Variants in SLC31A1 observed in about 807,000 individuals in gnomAD.
SLC31A1 encodes the protein solute carrier family 31 member 1.
SLC31A1 carries 5 observed loss-of-function variants against 17.2 expected under a neutral mutation model. The ratio of observed to expected loss-of-function variants is 0.29; its 90% CI spans 0.15 to 0.61. The LOEUF (loss-of-function observed/expected upper bound fraction) is 0.61, where lower values mean the gene tolerates loss of function less well. Among genes scored for constraint, SLC31A1 ranks in the 20% least tolerant of loss-of-function variants. The pLI is 0.86. For missense variants in SLC31A1, 161 were observed against 241.4 expected (o/e 0.67, Z 2.21); for synonymous variants, 76 against 78.8 (o/e 0.96, Z 0.19).
intron 1 of SLC31A1, among the ~76,000 whole-genome samples, chr9:113,232,060 T>A (rs1202702801): frequency 6.6e-6 from 1 of 152,234 alleles, no homozygotes; most frequent in African/African-American, 2.4e-5. Flanking sequence ...ACTAGGTGCC[T>A]CACTGGACTT....
At chr9:113,256,475 A>T in intron 2 of SLC31A1, 198 bp downstream of exon 2, 7 of 509,292 alleles carry the variant, frequency 1.4e-5, no homozygotes, top group Non-Finnish European at 2.1e-5. Flanking sequence ...CAGAACCAAG[A>T]TTTTAGGCTT....
At position 113,258,632 on chromosome 9, in the gene SLC31A1, C is replaced by G. The variant is rs1177490465; in HGVS notation, c.203-62C>G. The G allele has an allele frequency of 3.2e-6, 5 of 1,558,724 alleles. No individual in the cohort carries two copies. The highest frequency in any genetic ancestry group is 4.4e-6 in the Non-Finnish European group (5 of 1,131,462). The stretch of plus-strand genomic sequence containing the variant: ...TCTATGTGTCTTTCTAGCTGGACAG[C>G]ACATTGGCTAATGATTTTGCACATG... On this transcript the variant is annotated intron_variant, in intron 3 of 4. Coordinates refer to ENST00000374212, the MANE Select transcript of SLC31A1 (RefSeq NM_001859.4). The surrounding 1 kb of genome is among the most constrained non-coding windows in gnomAD (Gnocchi z 4.8).
At chr9:113,246,961 T>C (rs142820337) in intron 1 of SLC31A1, among the ~76,000 whole-genome samples, 8 of 152,290 alleles carry the variant, frequency 5.3e-5, no homozygotes, top group Admixed American at 3.3e-4. Context: ...AAAATTCACC[T>C]ATAGGGGCAA....
intron 1 of SLC31A1, among the ~76,000 whole-genome samples, chr9:113,226,741 A>G (rs1232598071): frequency 1.3e-5 from 2 of 152,232 alleles, no homozygotes; most frequent in East Asian, 1.9e-4. Flanking sequence ...TGGAGGGAAC[A>G]TATAAAGAGA....
intron 1 of SLC31A1, among the ~76,000 whole-genome samples, chr9:113,246,698 C>A (rs1831583355): frequency 6.6e-6 from 1 of 150,938 alleles, no homozygotes; most frequent in Admixed American, 6.6e-5. Flanking sequence ...AAGAATCTTG[C>A]TCTATATCCC....
At position 113,256,188 on chromosome 9, in the gene SLC31A1, T is replaced by A; in HGVS notation, c.40T>A (p.Ser14Thr). 1 of 1,612,880 alleles carries A rather than the reference T, an allele frequency of 6.2e-7. No homozygotes were observed. Among genetic ancestry groups the A allele is most frequent in the Non-Finnish European group, 8.5e-7 (1 of 1,179,990 alleles). ...SHHMGMSYMD[S>T]NSTMQPSHHH... is the part of the protein sequence containing the mutation. ...CCATATGGGGATGAGCTATATGGAC[T>A]CCAACAGTACCATGCAACCTTCTCA... Residue 14 changes from serine to threonine, a missense_variant, in exon 2 of 5, where the codon TCC becomes ACC. Physicochemically the swap from Ser to Thr is moderately conservative, Grantham distance 58. Coordinates refer to ENST00000374212, the MANE Select transcript of SLC31A1 (RefSeq NM_001859.4).
intron 1 of SLC31A1, among the ~76,000 whole-genome samples, chr9:113,225,105 G>A (rs1670413253): frequency 6.6e-6 from 1 of 152,200 alleles, no homozygotes; most frequent in South Asian, 2.1e-4. Flanking sequence ...GGCATAAATA[G>A]GTTTGTGAAT....
intron 1 of SLC31A1, among the ~76,000 whole-genome samples, chr9:113,247,379 A>G (rs565694793): frequency 3.9e-5 from 6 of 152,344 alleles, no homozygotes; most frequent in Admixed American, 3.3e-4. Context: ...AAAAGAGCCC[A>G]TGTGCAGATG....
chr9:113,226,151 G>T (rs1404140424), intron 1 of SLC31A1, among the ~76,000 whole-genome samples: 1 of 147,470 alleles, frequency 6.8e-6, no homozygotes, highest in Admixed American at 6.7e-5. Flanking sequence ...AAAAAAAAAA[G>T]AAATAAAGAA....
rs1466999567 is a variant in SLC31A1, at chr9:113,263,152, T to G, written c.*2679T>G. The G allele has an allele frequency of 6.6e-6, 1 of 152,186 alleles. No individual in the cohort carries two copies. The highest frequency in any genetic ancestry group is 2.4e-5 in the African/African-American group (1 of 41,448). The allele number at this position is 152,186 out of a possible 1,614,324, so 9.4% of individuals were successfully genotyped here. ...CAGCCCGGGTGACAAAGCAAGACCC[T>G]GTCTCAGAAAAAAAGAAAATTCAAG... On this transcript the variant is annotated 3_prime_UTR_variant, in exon 5 of 5. Coordinates refer to ENST00000374212, the MANE Select transcript of SLC31A1 (RefSeq NM_001859.4).
intron 1 of SLC31A1, chr9:113,255,823 G>A (rs1831720808): frequency 5.5e-6 from 1 of 181,804 alleles, no homozygotes; most frequent in East Asian, 1.4e-4. Flanking sequence ...AAATAATTCT[G>A]AGTAAAGATG....
intron 1 of SLC31A1, among the ~76,000 whole-genome samples, chr9:113,252,834 A>G (rs1273044817): frequency 6.6e-6 from 1 of 151,956 alleles, no homozygotes; most frequent in East Asian, 1.9e-4. Flanking sequence ...TTCTTATGCT[A>G]TAATCATTTT....
At chr9:113,231,229 A>C (rs1587987732) in intron 1 of SLC31A1, among the ~76,000 whole-genome samples, 1 of 152,086 alleles carries the variant, frequency 6.6e-6, no homozygotes, top group South Asian at 2.1e-4. Flanking sequence ...GCGCACACAC[A>C]CCTATCTTTC....
In SLC31A1 at chr9:113,258,496, T is replaced by A. The variant is rs1831752943; in HGVS notation, c.203-198T>A. Among the ~76,000 whole-genome samples the A allele has an allele frequency of 1.3e-5, 2 of 152,258 alleles. No individual in the cohort carries two copies. Among genetic ancestry groups the A allele is most frequent in the Admixed American group, 1.3e-4 (2 of 15,278 alleles). ...TCTTATCTTAATCAGAAAGTAAATA[T>A]GTTCTTGGCAGAGGCAATAGTTTTC... On this transcript the variant is annotated intron_variant, in intron 3 of 4. Coordinates refer to ENST00000374212, the MANE Select transcript of SLC31A1 (RefSeq NM_001859.4). The surrounding 1 kb of genome is among the most constrained non-coding windows in gnomAD (Gnocchi z 4.8).
intron 1 of SLC31A1, 63 bp from the exon 2 acceptor site, chr9:113,256,050 AT>A (rs1831723263): frequency 2.4e-6 from 3 of 1,258,756 alleles, no homozygotes; most frequent in Non-Finnish European, 3.3e-6. Context: ...ATCTCTAAAA[AT>A]AAAAAAAAGA....
intron 1 of SLC31A1, chr9:113,223,117 G>A: frequency 3.6e-6 from 1 of 281,454 alleles, no homozygotes; most frequent in Middle Eastern, 1.2e-3. Context: ...ATTCTTGGGT[G>A]GAGCTGATTT....
intron 1 of SLC31A1, among the ~76,000 whole-genome samples, chr9:113,236,493 A>G (rs1221417591): frequency 1.3e-5 from 2 of 151,570 alleles, no homozygotes; most frequent in African/African-American, 4.9e-5. Flanking sequence ...CCTCCCGAGT[A>G]GCTGGGACTA....
At position 113,258,926 on chromosome 9, in the gene SLC31A1, G is replaced by T; in HGVS notation, c.371+64G>T. ...TCGATCAGTTAAGCAGCAAAGCGCA[G>T]CTGTGTGATCAGCAGCAGCCCTCTT... is the stretch of plus-strand genomic sequence containing the variant. On this transcript the variant is annotated intron_variant, in intron 4 of 4. Transcript: ENST00000374212. The surrounding 1 kb of genome is among the most constrained non-coding windows in gnomAD (Gnocchi z 4.8). 6.5e-7 allele frequency: 1 copy of T among 1,528,944 alleles called. No homozygotes were observed. 94.7% of individuals were successfully genotyped at this position (1,528,944 alleles called of 1,614,324 possible).
intron 1 of SLC31A1, among the ~76,000 whole-genome samples, chr9:113,222,486 T>A (rs1379978189): frequency 1.3e-5 from 2 of 152,184 alleles, no homozygotes; most frequent in Non-Finnish European, 2.9e-5. Context: ...TAGTCCTGGC[T>A]TAGACAAGGT....
Sources: gnomAD v4.1 joint callset for allele counts (sites outside exome capture counted in the v4.1 genomes callset) on GRCh38, gnomAD v4.1.1 for gene constraint, Gnocchi (gnomAD v3.1) non-coding constraint, MANE v1.5 for transcripts, NCBI Gene and HGNC (gene_info 2026-07-23, HGNC 2026-07-21) for gene names.